DLGAP1: variants seen among roughly 807,000 people sequenced by gnomAD.
DLGAP1 encodes DLG associated protein 1.
Under a neutral mutation model 90.8 loss-of-function variants are expected in DLGAP1, and 11 were observed. The ratio of observed to expected loss-of-function variants is 0.12; its 90% CI spans 0.08 to 0.20. The LOEUF (loss-of-function observed/expected upper bound fraction) is 0.20. DLGAP1 is among the 10% of genes least tolerant of loss of function. DLGAP1 has a pLI of 1.00. For synonymous variants in DLGAP1, 558 were observed against 540.7 expected (o/e 1.03, Z -0.44); for missense variants, 1,050 against 1,333.8 (o/e 0.79, Z 3.31).
At chr18:3,713,260 C>T (rs1485577962) in intron 7 of DLGAP1, among the ~76,000 whole-genome samples, 1 of 152,276 alleles carries the variant, frequency 6.6e-6, no homozygotes, top group Non-Finnish European at 1.5e-5. Flanking sequence ...CTCCCAGTTG[C>T]CTTTTCCAGA....
intron 2 of DLGAP1, among the ~76,000 whole-genome samples, chr18:4,107,033 T>A (rs1330388221): frequency 6.6e-6 from 1 of 152,228 alleles, no homozygotes; most frequent in Non-Finnish European, 1.5e-5. Context: ...AGATTTACTT[T>A]AACACTTTGG....
intron 4 of DLGAP1, among the ~76,000 whole-genome samples, chr18:3,847,152 G>C (rs1004679385): frequency 3.3e-5 from 5 of 151,956 alleles, no homozygotes; most frequent in African/African-American, 9.7e-5. Flanking sequence ...TCTTGTTTTG[G>C]TATCAGGATA....
intron 3 of DLGAP1, among the ~76,000 whole-genome samples, chr18:3,891,432 C>T (rs975289012): frequency 1.1e-4 from 17 of 152,226 alleles, no homozygotes; most frequent in South Asian, 4.2e-4. Flanking sequence ...GGCAAATTCC[C>T]GGTGTCCACT....
intron 1 of DLGAP1, among the ~76,000 whole-genome samples, chr18:4,286,019 G>A (rs2079681176): frequency 6.6e-6 from 1 of 152,184 alleles, no homozygotes; most frequent in Admixed American, 6.5e-5. Flanking sequence ...AGAGAGGAAT[G>A]TGGACAAAAT....
intron 5 of DLGAP1, among the ~76,000 whole-genome samples, chr18:3,782,031 AACAGTATTCCAAGCTTG>A (rs2065221229): frequency 1.5e-4 from 1 of 6,568 alleles, no homozygotes; most frequent in South Asian, 0.011. Flanking sequence ...CCAAGCTTGG[AACAGTATTCCAAGCTTG>A]GAACAGTATT....
chr18:4,264,155 G>T (rs1234239579), intron 1 of DLGAP1, among the ~76,000 whole-genome samples: 2 of 152,214 alleles, frequency 1.3e-5, no homozygotes, highest in Non-Finnish European at 2.9e-5. Context: ...GGAAAAGGAT[G>T]TTGAGATTTC....
At chr18:3,513,845 C>A (rs2050678649) in intron 10 of DLGAP1, among the ~76,000 whole-genome samples, 1 of 152,076 alleles carries the variant, frequency 6.6e-6, no homozygotes, top group African/African-American at 2.4e-5. Context: ...TTCCCACTGA[C>A]CTCTGTGGGA....
At chr18:3,675,413 C>G (rs1567944258) in intron 7 of DLGAP1, among the ~76,000 whole-genome samples, 1 of 152,184 alleles carries the variant, frequency 6.6e-6, no homozygotes, top group Admixed American at 6.6e-5. Flanking sequence ...CATTCCATCT[C>G]TACAACACGA....
intron 7 of DLGAP1, among the ~76,000 whole-genome samples, chr18:3,687,522 T>C (rs1425371879): frequency 6.6e-6 from 1 of 152,234 alleles, no homozygotes; most frequent in Non-Finnish European, 1.5e-5. Flanking sequence ...GACAAGAAAT[T>C]GGCTTACAAA....
chr18:3,785,787 GA>G (rs2065423649), intron 5 of DLGAP1, among the ~76,000 whole-genome samples: 1 of 152,182 alleles, frequency 6.6e-6, no homozygotes, highest in South Asian at 2.1e-4. Flanking sequence ...AGGTGGATAA[GA>G]GAATACCGAA....
chr18:3,958,818 G>A (rs568551211), intron 3 of DLGAP1, among the ~76,000 whole-genome samples: 1 of 152,154 alleles, frequency 6.6e-6, no homozygotes. Context: ...TCGTCCTCCC[G>A]TTTGACTTTA....
intron 1 of DLGAP1, among the ~76,000 whole-genome samples, chr18:4,172,984 A>G (rs1022619694): frequency 7.2e-5 from 11 of 152,350 alleles, no homozygotes; most frequent in Non-Finnish European, 1.5e-4. Context: ...ATGTTAGAGA[A>G]CAATCTTTTC....
At chr18:4,410,678 C>T (rs1315588894) in intron 1 of DLGAP1, among the ~76,000 whole-genome samples, 2 of 108,742 alleles carry the variant, frequency 1.8e-5, no homozygotes, top group African/African-American at 3.8e-5. Context: ...ACATACAATT[C>T]CCCCCAAATA....
intron 9 of DLGAP1, among the ~76,000 whole-genome samples, chr18:3,543,647 C>T (rs1288790635): frequency 6.6e-6 from 1 of 152,122 alleles, no homozygotes; most frequent in African/African-American, 2.4e-5. Context: ...AACTAAAAAC[C>T]TGGCAAAATA....
intron 2 of DLGAP1, among the ~76,000 whole-genome samples, chr18:4,142,762 A>T (rs1020346930): frequency 6.6e-6 from 1 of 152,160 alleles, no homozygotes; most frequent in Non-Finnish European, 1.5e-5. Context: ...GTATTCATAA[A>T]TTTGAGTATT....
At chr18:4,428,262 A>G (rs2083200788) in intron 1 of DLGAP1, among the ~76,000 whole-genome samples, 1 of 152,124 alleles carries the variant, frequency 6.6e-6, no homozygotes, top group South Asian at 2.1e-4. Flanking sequence ...AAGATAATGC[A>G]TTACCAGAGA....
At chr18:4,401,797 T>C (rs1410060774) in intron 1 of DLGAP1, among the ~76,000 whole-genome samples, 7 of 151,666 alleles carry the variant, frequency 4.6e-5, no homozygotes, top group African/African-American at 1.7e-4. Context: ...AGAAAAGCCA[T>C]GTTTTTAGCT....
intron 1 of DLGAP1, among the ~76,000 whole-genome samples, chr18:4,331,414 G>A (rs143796672): frequency 2.6e-5 from 4 of 151,710 alleles, no homozygotes; most frequent in South Asian, 4.2e-4. Flanking sequence ...CAAAAAACTC[G>A]TTTACCTGTC....
intron 2 of DLGAP1, among the ~76,000 whole-genome samples, chr18:4,008,530 G>A (rs1410242541): frequency 6.6e-6 from 1 of 152,100 alleles, no homozygotes; most frequent in African/African-American, 2.4e-5. Flanking sequence ...CCCAAAGACA[G>A]GCACAGCAGT....
Sources: allele counts gnomAD v4.1 joint callset (sites outside exome capture counted in the v4.1 genomes callset), GRCh38; gene constraint gnomAD v4.1.1; transcripts MANE v1.5; gene names NCBI Gene and HGNC (gene_info 2026-07-23, HGNC 2026-07-21).